Variants in CRHR2 observed in about 807,000 individuals in gnomAD.
CRHR2 encodes corticotropin releasing hormone receptor 2.
In CRHR2, 53 loss-of-function variants were observed where a neutral mutation model predicts 57.9. The ratio of observed to expected loss-of-function variants is 0.92; its 90% CI spans 0.73 to 1.15. The LOEUF (loss-of-function observed/expected upper bound fraction) is 1.15, where lower values mean the gene tolerates loss of function less well. CRHR2 is among the 50% of genes most tolerant of loss of function. The pLI is 0.00. For missense variants in CRHR2, 532 were observed against 542.6 expected (o/e 0.98, Z 0.19); for synonymous variants, 213 against 220.9 (o/e 0.96, Z 0.32).
At chr7:30,681,134 C>T (rs1784692429) in intron 2 of CRHR2, among the ~76,000 whole-genome samples, 1 of 152,246 alleles carries the variant, frequency 6.6e-6, no homozygotes, top group South Asian at 2.1e-4. Context: ...AACGACCCCA[C>T]CTGGAGGCTG....
intron 1 of CRHR2, among the ~76,000 whole-genome samples, chr7:30,692,409 T>C (rs255104): frequency 0.81 from 123,226 of 152,108 alleles, 50,490 homozygotes; most frequent in East Asian, 1. Context: ...GCAGCCTCCA[T>C]CTCCCTCACT....
At position 30,653,662 on chromosome 7, in the gene CRHR2, C is replaced by T; in HGVS notation, c.1096-62G>A. The T allele has an allele frequency of 6.6e-7, 1 of 1,524,792 alleles. No homozygotes were observed. The highest frequency in any genetic ancestry group is 8.7e-7 in the Non-Finnish European group (1 of 1,143,324). 94.5% of individuals were successfully genotyped at this position (1,524,792 alleles called of 1,614,324 possible). A position where few individuals can be genotyped will look rare whatever the true frequency, so the allele number is the denominator to read the frequency against. On this transcript the variant is annotated intron_variant, in intron 11 of 11. Coordinates refer to ENST00000471646, the MANE Select transcript of CRHR2 (RefSeq NM_001883.5). This position sits in a 1 kb window ranked among gnomAD's most constrained non-coding sequence, Gnocchi z 5.0. ...ACCAACCCTGGGCTTCTGGGACCAT[C>T]CCCTCCTCTGCTTTCTGCTCTCATG... is the stretch of plus-strand genomic sequence containing the variant.
Position 30,681,967 on chromosome 7 carries a change from G to C in CRHR2, c.177C>G (p.Leu59=). The change falls in exon 2 of 12, where the codon CTC becomes CTG. Residue 59 remains leucine (L), a synonymous_variant. Coordinates refer to ENST00000471646, the MANE Select transcript of CRHR2 (RefSeq NM_001883.5). ...AGTACTCGGGGCACGGCCTCTCCAC[G>C]AGGGCTCCGGCAGCGCTGCGGGGCC... is the stretch of plus-strand genomic sequence containing the variant. ...TCWPRSAAGA[L]VERPCPEYFN... 3 of 1,611,352 alleles carry C rather than the reference G, an allele frequency of 1.9e-6. No homozygotes were observed. Among genetic ancestry groups the C allele is most frequent in the Non-Finnish European group, 2.5e-6 (3 of 1,179,222 alleles).
At chr7:30,682,486 T>A, upstream of CRHR2, 1 of 1,317,704 alleles carries the variant, frequency 7.6e-7, no homozygotes, top group South Asian at 2.1e-5. Flanking sequence ...AGCCGCCGAG[T>A]GCACGGAGCT....
intron 2 of CRHR2, among the ~76,000 whole-genome samples, chr7:30,669,113 C>T (rs937468740): frequency 4.6e-5 from 7 of 152,170 alleles, no homozygotes; most frequent in Admixed American, 1.3e-4. Flanking sequence ...TGCCTCTGAA[C>T]AGTCTATGTG....
chr7:30,657,361 C>T lies in CRHR2; in HGVS notation c.832-1349G>A, dbSNP rs536998210. On this transcript the variant is annotated intron_variant, in intron 8 of 11. Transcript: ENST00000471646. ...CCACATAGTGGTATGGCCTGGGGGT[C>T]CCAGGGAGGGCTGGGGATGGAAAGC... Among the ~76,000 whole-genome samples the T allele has an allele frequency of 5.9e-5, 9 of 152,210 alleles. 1 individual carries two copies. The South Asian group carries it at 1.9e-3, about 32-fold the overall frequency.
chr7:30,668,311 G>T (rs1409712501), intron 2 of CRHR2, among the ~76,000 whole-genome samples: 1 of 152,078 alleles, frequency 6.6e-6, no homozygotes, highest in African/African-American at 2.4e-5. Flanking sequence ...CACCTGAGAA[G>T]GCCCGGAGCT....
chr7:30,660,408 G>A (rs559168808), intron 8 of CRHR2, among the ~76,000 whole-genome samples, 165 bp downstream of exon 8: 48 of 152,374 alleles, frequency 3.2e-4, no homozygotes, highest in African/African-American at 1.0e-3. Context: ...AGGGAAGGCC[G>A]GGTGGTGCTG....
Position 30,652,108 on chromosome 7 carries a change from G to C in CRHR2, c.*1352C>G, listed in dbSNP as rs1049847117. On this transcript the variant is annotated 3_prime_UTR_variant, in exon 12 of 12. Transcript: ENST00000471646. This position sits in a 1 kb window ranked among gnomAD's most constrained non-coding sequence, Gnocchi z 4.4. ...TTTTCAAAACTTATTTTTGTAGGGG[G>C]TACCTAGAGCATTGGTTTCTTTTGG... The C allele has an allele frequency of 6.6e-6, 1 of 152,186 alleles. No individual in the cohort carries two copies. The highest frequency in any genetic ancestry group is 6.5e-5 in the Admixed American group (1 of 15,282). 9.4% of individuals were successfully genotyped at this position (152,186 alleles called of 1,614,324 possible). A position where few individuals can be genotyped will look rare whatever the true frequency, so the allele number is the denominator to read the frequency against.
At chr7:30,686,333 A>G, upstream of CRHR2, 15 of 1,465,262 alleles carry the variant, frequency 1.0e-5, no homozygotes, top group Non-Finnish European at 1.4e-5. Flanking sequence ...CATCCCCAGC[A>G]CCCATTGGAA....
chr7:30,682,842 C>G (rs1024292896), upstream of CRHR2: 1 of 152,620 alleles, frequency 6.6e-6, no homozygotes, highest in African/African-American at 2.4e-5. Context: ...TGAGCTTCCC[C>G]TCCCTGAGCG....
At chr7:30,685,391 T>C (rs189328867), upstream of CRHR2, among the ~76,000 whole-genome samples, 1 of 152,222 alleles carries the variant, frequency 6.6e-6, no homozygotes, top group Non-Finnish European at 1.5e-5. Context: ...ACAGGATGCA[T>C]CTTTGCTTCT....
chr7:30,655,475 G>T, intron 10 of CRHR2, 105 bp downstream of exon 10: 1 of 1,373,262 alleles, frequency 7.3e-7, no homozygotes, highest in Non-Finnish European at 9.9e-7. Context: ...ATGTAACTGA[G>T]CCATGGGTGT....
At chr7:30,661,498 T>G (rs1463890423) in intron 7 of CRHR2, among the ~76,000 whole-genome samples, 1 of 152,190 alleles carries the variant, frequency 6.6e-6, no homozygotes, top group Non-Finnish European at 1.5e-5. Context: ...TACTCCATTC[T>G]TGCCCCCACT....
intron 11 of CRHR2, 115 bp downstream of exon 11, chr7:30,654,924 C>G: frequency 6.4e-7 from 1 of 1,554,926 alleles, no homozygotes; most frequent in Non-Finnish European, 8.7e-7. Context: ...GGTGGTATCT[C>G]AAGGCTTCCT....
rs1464318885 is a variant in CRHR2 at position 30,682,210 on chromosome 7, A to C, written c.71T>G (p.Leu24Trp). 1 of 1,589,960 alleles carries C rather than the reference A, an allele frequency of 6.3e-7. No homozygotes were observed. Among genetic ancestry groups the C allele is most frequent in the Admixed American group, 1.7e-5 (1 of 59,404 alleles). ...GTCCAGGGGTGGCCCCCAGCCGTCC[A>C]AGAGCAGCTCTTCAGCCAGCGCCAG... ...CSLALAEELL[L>W]DGWGPPLDPE... is the part of the protein sequence containing the mutation. Residue 24 changes from leucine (L) to tryptophan (W), a missense_variant, in exon 1 of 12, where the codon TTG becomes TGG. By Grantham distance (61) the Leu-to-Trp change is moderately conservative. Transcript: ENST00000471646.
In CRHR2 at chr7:30,665,500, G is replaced by A; in HGVS notation, c.425+30C>T. 6.6e-7 allele frequency: 1 copy of A among 1,524,226 alleles called. No homozygotes were observed. The highest frequency in any genetic ancestry group is 1.4e-5 in the African/African-American group (1 of 72,648). The allele number at this position is 1,524,226 out of a possible 1,614,324, so 94.4% of individuals were successfully genotyped here. A position where few individuals can be genotyped will look rare whatever the true frequency, so the allele number is the denominator to read the frequency against. On this transcript the variant is annotated intron_variant, in intron 4 of 11. Coordinates refer to ENST00000471646, the MANE Select transcript of CRHR2 (RefSeq NM_001883.5). This position sits in a 1 kb window ranked among gnomAD's most constrained non-coding sequence, Gnocchi z 4.5. ...GGGGGTGCTGTAGGGGGAGGGATGA[G>A]GAGAAAGCAAGGCGGAAGGGCAGAC...
At chr7:30,686,692 C>T (rs1424514604), upstream of CRHR2, 5 of 538,202 alleles carry the variant, frequency 9.3e-6, no homozygotes, top group Non-Finnish European at 1.3e-5. Flanking sequence ...AAATAATATG[C>T]CTCATAATAT....
upstream of CRHR2, among the ~76,000 whole-genome samples, chr7:30,685,083 G>T (rs1365031244): frequency 1.3e-5 from 2 of 152,180 alleles, no homozygotes; most frequent in African/African-American, 2.4e-5. Flanking sequence ...GTTCAGGGAA[G>T]TGTGACAGGT....
Sources: gnomAD v4.1 joint callset for allele counts (sites outside exome capture counted in the v4.1 genomes callset) on GRCh38, gnomAD v4.1.1 for gene constraint, Gnocchi (gnomAD v3.1) non-coding constraint, MANE v1.5 for transcripts, NCBI Gene and HGNC (gene_info 2026-07-23, HGNC 2026-07-21) for gene names.